The following ABCC5 variants were observed in gnomAD, a reference collection of about 807,000 sequenced individuals.
ABCC5 encodes ATP-binding cassette sub-family C member 5.
A neutral mutation model predicts 160.9 loss-of-function variants in ABCC5; 61 were observed. The ratio of observed to expected loss-of-function variants is 0.38; its 90% confidence interval spans 0.31 to 0.47. The LOEUF is 0.47. Among genes scored for constraint, ABCC5 ranks in the 20% least tolerant of loss-of-function variants. The probability of loss-of-function intolerance (pLI) is 0.99; values close to 1 mark genes in which losing one functional copy is unlikely to be tolerated. For synonymous variants in ABCC5, 666 were observed against 700.6 expected (o/e 0.95, Z 0.78); for missense variants, 1,308 against 1,813.3 (o/e 0.72, Z 5.06).
At chr3:183,946,698 A>C (rs905920891) in intron 23 of ABCC5, among the ~76,000 whole-genome samples, 3 of 152,074 alleles carry the variant, frequency 2.0e-5, no homozygotes, top group Non-Finnish European at 2.9e-5. Flanking sequence ...AATCGCAGAG[A>C]GCTTATCTCA....
chr3:183,992,612 C>T (rs1426706779), intron 2 of ABCC5, among the ~76,000 whole-genome samples: 4 of 151,844 alleles, frequency 2.6e-5, no homozygotes, highest in South Asian at 2.1e-4. Flanking sequence ...GGTGAAACCC[C>T]GTCTCTACTA....
chr3:183,938,030 C>T lies in ABCC5; in HGVS notation c.3725G>A (p.Arg1242His), dbSNP rs754414822. The T allele has an allele frequency of 5.6e-6, 9 of 1,614,026 alleles. No homozygotes were observed. The highest frequency in any genetic ancestry group is 1.3e-5 in the African/African-American group (1 of 74,934). The change falls in exon 26 of 30, where the codon CGT (arginine) becomes CAT (histidine). Residue 1242 changes from arginine to histidine, a missense_variant. This residue lies in a region of ABCC5 where 163 missense variants were observed against 269.7 expected (regional missense o/e 0.60). Transcript: ENST00000334444. ...GCAGCCTCCAGATAACTCCACCAGA[C>T]GGAAGAGGGCCATCCCCAGCGAGGA... is the stretch of plus-strand genomic sequence containing the variant. ...GKSSLGMALFRLVELSGGCIK... is the reference protein window; with the variant it reads ...GKSSLGMALFHLVELSGGCIK...
At position 183,957,808 on chromosome 3, in the gene ABCC5, G is replaced by A. The variant is rs577653181; in HGVS notation, c.2482+1925C>T. On this transcript the variant is annotated intron_variant, in intron 17 of 29. Coordinates refer to ENST00000334444, the MANE Select transcript of ABCC5 (RefSeq NM_005688.4). The stretch of plus-strand genomic sequence containing the variant: ...CGTGTGTATATCACATCGGTTACAC[G>A]CAGATCCGTGTGTATATCACATCTG... Among the ~76,000 whole-genome samples the A allele has an allele frequency of 4.7e-3, 711 of 151,866 alleles. 5 individuals are homozygous for A. The highest frequency in any genetic ancestry group is 0.035 in the South Asian group (169 of 4,804).
intron 5 of ABCC5, chr3:183,984,537 A>C: frequency 8.6e-7 from 1 of 1,161,626 alleles, no homozygotes; most frequent in Non-Finnish European, 1.1e-6. Flanking sequence ...AGATTAAATT[A>C]ATACCAGATG....
chr3:183,984,520 T>G (rs1309230789), intron 5 of ABCC5: 1 of 1,116,566 alleles, frequency 9.0e-7, no homozygotes, highest in East Asian at 5.9e-5. Context: ...ATTTCTTGTT[T>G]TTCCTGAGAT....
In ABCC5 at chr3:183,947,362, G is replaced by C; in HGVS notation, c.3376C>G (p.Pro1126Ala). The C allele has an allele frequency of 1.2e-6, 2 of 1,613,590 alleles. No homozygotes were observed. Among genetic ancestry groups the C allele is most frequent in the Non-Finnish European group, 1.7e-6 (2 of 1,179,712 alleles). ...GAGATGGCGAGACCCGCATAGGCTG[G>C]GGGAATCTGCCCGTGCATAAGAACG... ...MIVLMHGQIP[P>A]AYAGLAISYA... The change falls in exon 23 of 30, where the codon CCA (proline) becomes GCA (alanine). Residue 1126 changes from proline (P) to alanine (A), a missense_variant. Around this residue, in one of 3 missense-constraint regions of ABCC5, gnomAD observed 1,142 missense variants for 1,527.1 expected, o/e 0.75. Transcript: ENST00000334444.
At chr3:184,001,315 G>A (rs535158889) in intron 2 of ABCC5, 7 of 447,302 alleles carry the variant, frequency 1.6e-5, no homozygotes, top group East Asian at 1.3e-4. Context: ...CCAATGCAAA[G>A]TATTATCTTT....
Position 184,014,297 on chromosome 3 carries a change from G to C in ABCC5, c.96C>G (p.Asp32Glu). 1 of 1,613,950 alleles carries C rather than the reference G, an allele frequency of 6.2e-7. No individual in the cohort carries two copies. Among genetic ancestry groups the C allele is most frequent in the Non-Finnish European group, 8.5e-7 (1 of 1,179,934 alleles). The change falls in exon 2 of 30, where the codon GAC becomes GAG. Residue 32 changes from aspartate (D) to glutamate (E), a missense_variant. Asp to Glu is a conservative substitution (Grantham distance 45). Transcript: ENST00000334444. ...ERTSTSGTHRDREDSKFRRTR... is the reference protein window; with the variant it reads ...ERTSTSGTHREREDSKFRRTR... ...TTCTCCTGAACTTGGAATCTTCACG[G>C]TCTCTGTGCGTCCCAGAAGTGCTGG...
chr3:183,963,658 C>T lies in ABCC5; in HGVS notation c.2032-70G>A. 6.7e-7 allele frequency: 1 copy of T among 1,486,290 alleles called. No homozygotes were observed. Among genetic ancestry groups the T allele is most frequent in the Non-Finnish European group, 9.2e-7 (1 of 1,083,528 alleles). The allele number at this position is 1,486,290 out of a possible 1,614,324, so 92.1% of individuals were successfully genotyped here. On this transcript the variant is annotated intron_variant, in intron 14 of 29. Transcript: ENST00000334444. The surrounding 1 kb of genome is among the most constrained non-coding windows in gnomAD (Gnocchi z 4.6). The stretch of plus-strand genomic sequence containing the variant: ...GAACAGCGTGGAGGGGTCACCCAGT[C>T]ACTTCTCTTCTTGCCCACCCAGACC...
rs368494058 is a variant in ABCC5 at position 183,989,313 on chromosome 3, G to A, written c.200C>T (p.Ser67Phe). ...CTCCTCATCCAGGATTCTGAGCTGA[G>A]AATGCATGGAGGCATCAAGAGAGAG... ...EGLSLDASMH[S>F]QLRILDEEHP... The change falls in exon 3 of 30, where the codon TCT becomes TTT. Residue 67 changes from serine to phenylalanine, a missense_variant. Physicochemically the swap from Ser to Phe is radical, Grantham distance 155. This residue lies in a region of ABCC5 where 1,142 missense variants were observed against 1,527.1 expected (regional missense o/e 0.75). Transcript: ENST00000334444. 22 of 1,614,038 alleles carry A rather than the reference G, an allele frequency of 1.4e-5. No individual in the cohort carries two copies. Among genetic ancestry groups the A allele is most frequent in the Non-Finnish European group, 1.8e-5 (21 of 1,180,036 alleles).
intron 2 of ABCC5, chr3:184,010,364 G>A (rs1560058820): frequency 6.6e-6 from 1 of 151,970 alleles, no homozygotes; most frequent in Non-Finnish European, 1.5e-5. Flanking sequence ...TTATAAAAGT[G>A]GTATTAGCCT....
chr3:183,979,604 G>A (rs1056138440), intron 8 of ABCC5, among the ~76,000 whole-genome samples: 18 of 151,980 alleles, frequency 1.2e-4, no homozygotes, highest in Non-Finnish European at 2.6e-4. Context: ...TTTTTCAGAC[G>A]AGGTCTCGCT....
Position 183,956,935 on chromosome 3 carries a change from C to T in ABCC5, c.2482+2798G>A, listed in dbSNP as rs868154582. Among the ~76,000 whole-genome samples the T allele has an allele frequency of 1.2e-4, 17 of 141,992 alleles. 1 individual carries two copies. Among genetic ancestry groups the T allele is most frequent in the African/African-American group, 3.7e-4 (14 of 37,920 alleles). 93.2% of individuals were successfully genotyped at this position (141,992 alleles called of 152,430 possible). On this transcript the variant is annotated intron_variant, in intron 17 of 29. Coordinates refer to ENST00000334444, the MANE Select transcript of ABCC5 (RefSeq NM_005688.4). ...ATGCAGATCCGTGTGTAAATCACAT[C>T]GGTTACATGCGGATCCGTGTGTACA...
intron 17 of ABCC5, among the ~76,000 whole-genome samples, chr3:183,958,419 T>C (rs1016728090): frequency 2.6e-5 from 4 of 152,198 alleles, no homozygotes; most frequent in Non-Finnish European, 5.9e-5. Context: ...CAGAAGAACA[T>C]ATGTTTGCTA....
At chr3:183,973,204 G>A (rs1475027518) in intron 10 of ABCC5, among the ~76,000 whole-genome samples, 1 of 151,586 alleles carries the variant, frequency 6.6e-6, no homozygotes, top group African/African-American at 2.4e-5. Flanking sequence ...ACAGGTGCCC[G>A]CCACCACGCC....
intron 12 of ABCC5, 34 bp downstream of exon 12, chr3:183,967,655 CAGAGAA>C: frequency 6.4e-7 from 1 of 1,555,610 alleles, no homozygotes; most frequent in Non-Finnish European, 8.9e-7. Context: ...TCTTGCAAAC[CAGAGAA>C]AGCAGCAGAA....
chr3:184,009,951 A>G, intron 2 of ABCC5: 1 of 435,324 alleles, frequency 2.3e-6, no homozygotes, highest in Non-Finnish European at 4.6e-6. Flanking sequence ...GAGTTCAACA[A>G]CAGCCTGGCC....
Position 183,959,209 on chromosome 3 carries a change from A to T in ABCC5, c.2482+524T>A, listed in dbSNP as rs563482582. 3.4e-4 allele frequency among the ~76,000 whole-genome samples: 52 copies of T among 152,298 alleles called. No individual in the cohort carries two copies. The South Asian group carries it at 0.011, about 31-fold the overall frequency. On this transcript the variant is annotated intron_variant, in intron 17 of 29. Transcript: ENST00000334444. Reference sequence around the variant, plus strand: ...GTTGATAACATAAAGGGTTTAAGAAACAGGATCAAGGGCTCTGGACAGGAA... The same window carrying T: ...GTTGATAACATAAAGGGTTTAAGAATCAGGATCAAGGGCTCTGGACAGGAA...
chr3:183,984,848 C>G, intron 5 of ABCC5: 1 of 1,587,914 alleles, frequency 6.3e-7, no homozygotes, highest in Non-Finnish European at 8.5e-7. Flanking sequence ...GCAGTGAAGC[C>G]TGTTCCCACA....
Sources: allele counts gnomAD v4.1 joint callset (sites outside exome capture counted in the v4.1 genomes callset), GRCh38; gene constraint gnomAD v4.1.1; regional missense constraint gnomAD v4.1.1; non-coding constraint Gnocchi (gnomAD v3.1); transcripts MANE v1.5; gene names NCBI Gene and HGNC (gene_info 2026-07-23, HGNC 2026-07-21).